Variants in PAWR observed in about 807,000 individuals in gnomAD.
The protein encoded by PAWR is PRKC apoptosis WT1 regulator protein.
A neutral mutation model predicts 32.0 loss-of-function variants in PAWR; 23 were observed. The observed-to-expected ratio is 0.72, with a 90% confidence interval of 0.52 to 1.02. PAWR has a LOEUF of 1.02. PAWR is among the 50% of genes least tolerant of loss of function. The probability of loss-of-function intolerance (pLI) is 0.00; values close to 1 mark genes in which losing one functional copy is unlikely to be tolerated. For missense variants in PAWR, 457 were observed against 437.7 expected, an observed-to-expected ratio of 1.04 and a Z score of -0.39; for synonymous variants, 226 against 187.1, an observed-to-expected ratio of 1.21 and a Z score of -1.70.
intron 3 of PAWR, among the ~76,000 whole-genome samples, chr12:79,617,645 T>C (rs902382888): frequency 6.6e-6 from 1 of 152,212 alleles, no homozygotes; most frequent in African/African-American, 2.4e-5. Flanking sequence ...TAGACATATG[T>C]ATAAGGCACA....
At position 79,632,355 on chromosome 12, in the gene PAWR, A is replaced by ATG. The variant is rs1566011179; in HGVS notation, c.517-11149_517-11148insCA. 2.2e-4 allele frequency among the ~76,000 whole-genome samples: 4 copies of ATG among 17,802 alleles called. 1 individual carries two copies. Among genetic ancestry groups the ATG allele is most frequent in the African/African-American group, 1.3e-3 (4 of 3,080 alleles). The allele number at this position is 17,802 out of a possible 152,430, so 11.7% of individuals were successfully genotyped here. A position where few individuals can be genotyped will look rare whatever the true frequency, so the allele number is the denominator to read the frequency against. ...TATATATATATATATATATATATAT[A>ATG]TATATATTTTTTTTTTTTTTTAGAC... On this transcript the variant is annotated intron_variant, in intron 2 of 6. Transcript: ENST00000328827.
chr12:79,607,521 G>A (rs1874234012), intron 4 of PAWR, among the ~76,000 whole-genome samples: 1 of 151,938 alleles, frequency 6.6e-6, no homozygotes, highest in South Asian at 2.1e-4. Context: ...TTTAGCCTAG[G>A]AGTTCAGGAT....
At chr12:79,624,861 C>T (rs2136725333) in intron 2 of PAWR, among the ~76,000 whole-genome samples, 1 of 152,174 alleles carries the variant, frequency 6.6e-6, no homozygotes, top group East Asian at 1.9e-4. Context: ...TTTTTACACG[C>T]TCTAAGAAAA....
At chr12:79,684,688 A>G (rs1365609440) in intron 2 of PAWR, among the ~76,000 whole-genome samples, 1 of 152,212 alleles carries the variant, frequency 6.6e-6, no homozygotes, top group Non-Finnish European at 1.5e-5. Context: ...TAATGATTTT[A>G]AATAAGAATT....
At chr12:79,679,512 GA>G (rs1398347978) in intron 2 of PAWR, among the ~76,000 whole-genome samples, 1 of 152,158 alleles carries the variant, frequency 6.6e-6, no homozygotes, top group Non-Finnish European at 1.5e-5. Flanking sequence ...CAATTATGGA[GA>G]AAAAACAGTA....
chr12:79,632,243 G>C (rs1257103660), intron 2 of PAWR: 1 of 129,244 alleles, frequency 7.7e-6, no homozygotes, highest in African/African-American at 3.1e-5. Flanking sequence ...TGTTATTGGC[G>C]TAAAGATATT....
At chr12:79,678,352 T>C (rs1465208372) in intron 2 of PAWR, among the ~76,000 whole-genome samples, 2 of 152,192 alleles carry the variant, frequency 1.3e-5, no homozygotes, top group Non-Finnish European at 2.9e-5. Context: ...TCCAACACAA[T>C]TGGTCCATAT....
At chr12:79,604,649 C>T in intron 4 of PAWR, 1 of 1,287,852 alleles carries the variant, frequency 7.8e-7, no homozygotes, top group Non-Finnish European at 1.0e-6. Flanking sequence ...TTTCACTGCC[C>T]CATTCTCTTC....
chr12:79,642,332 A>G (rs1876365577), intron 2 of PAWR, among the ~76,000 whole-genome samples: 1 of 152,232 alleles, frequency 6.6e-6, no homozygotes, highest in Non-Finnish European at 1.5e-5. Flanking sequence ...TCAGGACAAC[A>G]AGAAAAATTG....
chr12:79,640,776 C>T, intron 2 of PAWR, among the ~76,000 whole-genome samples: 1 of 152,050 alleles, frequency 6.6e-6, no homozygotes, highest in East Asian at 1.9e-4. Context: ...TCTGAATACA[C>T]ATATCCCTGG....
intron 2 of PAWR, among the ~76,000 whole-genome samples, chr12:79,680,268 C>T (rs1358698793): frequency 6.6e-6 from 1 of 152,200 alleles, no homozygotes; most frequent in Non-Finnish European, 1.5e-5. Flanking sequence ...AAACATCTGC[C>T]AGTTACGTCA....
At chr12:79,625,264 A>G (rs1213415731) in intron 2 of PAWR, among the ~76,000 whole-genome samples, 2 of 152,054 alleles carry the variant, frequency 1.3e-5, no homozygotes, top group African/African-American at 4.8e-5. Context: ...GTGACCTGTG[A>G]GACAGTATCA....
chr12:79,639,925 G>A (rs1387647553), intron 2 of PAWR, among the ~76,000 whole-genome samples: 1 of 124,570 alleles, frequency 8.0e-6, no homozygotes, highest in Non-Finnish European at 1.5e-5. Flanking sequence ...CTATTCTAGA[G>A]ATGGAGTCTC....
intron 2 of PAWR, among the ~76,000 whole-genome samples, chr12:79,669,428 T>C (rs765782333): frequency 6.6e-6 from 1 of 152,220 alleles, no homozygotes; most frequent in Admixed American, 6.5e-5. Flanking sequence ...ATCTTATATC[T>C]TGATTATTGG....
At chr12:79,637,343 T>C (rs1402098489) in intron 2 of PAWR, among the ~76,000 whole-genome samples, 1 of 152,118 alleles carries the variant, frequency 6.6e-6, no homozygotes, top group Non-Finnish European at 1.5e-5. Flanking sequence ...ATGTCAATCC[T>C]ATCAGTAATG....
chr12:79,632,322 T>C (rs1229452676), intron 2 of PAWR, among the ~76,000 whole-genome samples: 3,126 of 28,658 alleles, frequency 0.11, 526 homozygotes, highest in Non-Finnish European at 0.12. Flanking sequence ...CATATATATA[T>C]ATATATATAT....
In PAWR at chr12:79,594,321, ATACT is replaced by A. The variant is rs1873666965; in HGVS notation, c.936+4_936+7del. 8.2e-7 allele frequency: 1 copy of A among 1,219,656 alleles called. No individual in the cohort carries two copies. Among genetic ancestry groups the A allele is most frequent in the Non-Finnish European group, 1.2e-6 (1 of 851,170 alleles). The allele number at this position is 1,219,656 out of a possible 1,614,324, so 75.6% of individuals were successfully genotyped here. On this transcript the variant is annotated splice_donor_5th_base_variant and intron_variant, in intron 6 of 6. Transcript: ENST00000328827. ...CCCTCCAAACCTGAAATATGGTGAA[ATACT>A]TACTCTATTTAATAAATCAATTTCT...
intron 5 of PAWR, 44 bp downstream of exon 5, chr12:79,596,467 T>C (rs1162576271): frequency 9.6e-6 from 9 of 936,326 alleles, no homozygotes; most frequent in Admixed American, 2.6e-5. Flanking sequence ...AGAATTCTAA[T>C]GGTATATTAA....
chr12:79,632,302 T>C (rs1255608383), intron 2 of PAWR: 1 of 6,980 alleles, frequency 1.4e-4, no homozygotes, highest in African/African-American at 8.4e-4. Context: ...TATACATATA[T>C]ATATACATAC....
Sources: gnomAD v4.1 joint callset for allele counts (sites outside exome capture counted in the v4.1 genomes callset) on GRCh38, gnomAD v4.1.1 for gene constraint, MANE v1.5 for transcripts, NCBI Gene and HGNC (gene_info 2026-07-23, HGNC 2026-07-21) for gene names.